Variants in RIT2 observed in about 807,000 individuals in gnomAD.
RIT2 encodes Ras like without CAAX 2, also known as GTP-binding protein Rit2.
A neutral mutation model predicts 23.7 loss-of-function variants in RIT2; 24 were observed. The observed-to-expected ratio is 1.01, with a 90% CI of 0.73 to 1.43. The LOEUF (loss-of-function observed/expected upper bound fraction) is 1.43. Ranked by LOEUF, RIT2 falls within the 40% of genes most tolerant of loss-of-function variation. The pLI, the probability that RIT2 is intolerant of heterozygous loss-of-function variation, is 0.00. For synonymous variants in RIT2, 107 were observed against 91.1 expected, an observed-to-expected ratio of 1.17 and a Z score of -0.99; for missense variants, 236 against 266.9, an observed-to-expected ratio of 0.88 and a Z score of 0.81.
chr18:42,891,852 T>C (rs549965502), intron 4 of RIT2, among the ~76,000 whole-genome samples: 2 of 152,242 alleles, frequency 1.3e-5, no homozygotes, highest in Non-Finnish European at 2.9e-5. Context: ...CCATATAATG[T>C]ACAACAATAA....
At chr18:42,992,733 C>T (rs1215694547) in intron 2 of RIT2, among the ~76,000 whole-genome samples, 1 of 152,244 alleles carries the variant, frequency 6.6e-6, no homozygotes, top group East Asian at 1.9e-4. Context: ...AAGGTTAATG[C>T]TCCTTTTTCT....
intron 4 of RIT2, among the ~76,000 whole-genome samples, chr18:42,816,405 A>T (rs1252652984): frequency 6.6e-6 from 1 of 152,160 alleles, no homozygotes; most frequent in Non-Finnish European, 1.5e-5. Context: ...AGATATTACC[A>T]TCATGCTCAA....
intron 2 of RIT2, among the ~76,000 whole-genome samples, chr18:43,004,868 T>C (rs1010124118): frequency 6.6e-6 from 1 of 151,880 alleles, no homozygotes; most frequent in Non-Finnish European, 1.5e-5. Context: ...ACTCAATTAC[T>C]ATGCTGTGCT....
At chr18:43,028,459 T>C (rs1911782048) in intron 2 of RIT2, among the ~76,000 whole-genome samples, 1 of 152,010 alleles carries the variant, frequency 6.6e-6, no homozygotes, top group African/African-American at 2.4e-5. Context: ...ACAGGATCCG[T>C]TTGGAAAGAA....
intron 4 of RIT2, among the ~76,000 whole-genome samples, chr18:42,820,867 T>G (rs1359280294): frequency 2.6e-5 from 4 of 152,142 alleles, no homozygotes; most frequent in African/African-American, 9.7e-5. Context: ...TAAAATGTGA[T>G]CTGAAATTTT....
chr18:42,808,373 CAT>C (rs761422174), intron 4 of RIT2, among the ~76,000 whole-genome samples: 80 of 152,258 alleles, frequency 5.3e-4, no homozygotes, highest in Non-Finnish European at 9.0e-4. Flanking sequence ...AAAAAATACA[CAT>C]AGAGGACATG....
intron 1 of RIT2, among the ~76,000 whole-genome samples, chr18:43,037,979 C>A (rs542676807): frequency 6.6e-6 from 1 of 151,780 alleles, no homozygotes; most frequent in African/African-American, 2.4e-5. Flanking sequence ...CCAAGGCGGG[C>A]GGATCACGAG....
intron 1 of RIT2, among the ~76,000 whole-genome samples, chr18:43,051,739 A>C (rs1237608463): frequency 1.3e-5 from 2 of 152,160 alleles, no homozygotes; most frequent in African/African-American, 4.8e-5. Flanking sequence ...TCTTGCTTTG[A>C]AGTAGCTCAT....
At chr18:42,936,181 C>CA (rs1909454754) in intron 3 of RIT2, among the ~76,000 whole-genome samples, 1 of 151,834 alleles carries the variant, frequency 6.6e-6, no homozygotes, top group South Asian at 2.1e-4. Context: ...AAATTAGCTC[C>CA]AGTTGGCCTT....
intron 3 of RIT2, among the ~76,000 whole-genome samples, chr18:42,941,265 T>C (rs1384501391): frequency 6.6e-6 from 1 of 152,104 alleles, no homozygotes; most frequent in Non-Finnish European, 1.5e-5. Context: ...GTACATAGAA[T>C]TGGGATAAGA....
At chr18:42,922,607 T>C (rs991485728) in intron 4 of RIT2, among the ~76,000 whole-genome samples, 1 of 152,156 alleles carries the variant, frequency 6.6e-6, no homozygotes, top group Non-Finnish European at 1.5e-5. Flanking sequence ...GGGCAACTGA[T>C]TTATCATTAC....
intron 4 of RIT2, among the ~76,000 whole-genome samples, chr18:42,840,477 T>G (rs907027426): frequency 2.6e-5 from 4 of 152,178 alleles, no homozygotes; most frequent in African/African-American, 9.7e-5. Flanking sequence ...AGAACTGCCG[T>G]AAGAGTTTGA....
At chr18:42,819,862 G>T (rs1361398310) in intron 4 of RIT2, among the ~76,000 whole-genome samples, 3 of 152,026 alleles carry the variant, frequency 2.0e-5, no homozygotes, top group Non-Finnish European at 2.9e-5. Context: ...TACCATACCT[G>T]GTTACACACA....
At chr18:42,992,723 A>G (rs1910883122) in intron 2 of RIT2, among the ~76,000 whole-genome samples, 1 of 152,070 alleles carries the variant, frequency 6.6e-6, no homozygotes, top group African/African-American at 2.4e-5. Context: ...AGGTATAGTC[A>G]AGGTTAATGC....
intron 4 of RIT2, among the ~76,000 whole-genome samples, chr18:42,850,112 T>TGTGA (rs1555642044): frequency 1.3e-5 from 2 of 151,356 alleles, no homozygotes; most frequent in South Asian, 4.2e-4. Context: ...TGTGTGTGTG[T>TGTGA]GAATATACAT....
At chr18:42,778,556 T>G (rs1300161757) in intron 4 of RIT2, among the ~76,000 whole-genome samples, 1 of 152,168 alleles carries the variant, frequency 6.6e-6, no homozygotes, top group Non-Finnish European at 1.5e-5. Context: ...TGATAACCCA[T>G]GTACATGGGA....
At chr18:42,987,583 G>A (rs879449984) in intron 2 of RIT2, among the ~76,000 whole-genome samples, 6 of 152,188 alleles carry the variant, frequency 3.9e-5, no homozygotes, top group Non-Finnish European at 8.8e-5. Context: ...AGTTACACAT[G>A]TGTGGGAAAG....
intron 4 of RIT2, among the ~76,000 whole-genome samples, chr18:42,825,354 G>T (rs1270224195): frequency 2.0e-5 from 3 of 151,744 alleles, no homozygotes; most frequent in Non-Finnish European, 4.4e-5. Context: ...GATAGGATCA[G>T]CCACATAACT....
intron 2 of RIT2, among the ~76,000 whole-genome samples, chr18:43,031,420 C>A (rs1038130128): frequency 7.2e-5 from 11 of 151,890 alleles, no homozygotes; most frequent in African/African-American, 2.7e-4. Context: ...AGATTCCATT[C>A]TACCTGAGTC....
Sources: allele counts gnomAD v4.1 joint callset (sites outside exome capture counted in the v4.1 genomes callset), GRCh38; gene constraint gnomAD v4.1.1; transcripts MANE v1.5; gene names NCBI Gene and HGNC (gene_info 2026-07-23, HGNC 2026-07-21).